Variants in CFAP96 observed in about 807,000 individuals in gnomAD.
CFAP96 encodes cilia and flagella associated protein 96.
the CFAP96 span, among the ~76,000 whole-genome samples, chr4:185,423,726 A>T: frequency 4.2e-4 from 64 of 152,284 alleles, no homozygotes; most frequent in Non-Finnish European, 6.5e-4. Context: ...GTAGTTGATG[A>T]TATATCACAA....
At chr4:185,438,508 C>T in the CFAP96 span, among the ~76,000 whole-genome samples, 9 of 152,122 alleles carry the variant, frequency 5.9e-5, no homozygotes, top group Admixed American at 6.5e-5. Context: ...ATGCCCTTTT[C>T]TGTTAATGCT....
At chr4:185,429,806 G>A in the CFAP96 span, among the ~76,000 whole-genome samples, 1 of 152,022 alleles carries the variant, frequency 6.6e-6, no homozygotes, top group East Asian at 1.9e-4. Flanking sequence ...GAGTCTACAG[G>A]CACACACTAC....
chr4:185,422,338 T>G, the CFAP96 span: 1 of 646,430 alleles, frequency 1.5e-6, no homozygotes. Context: ...ACACAGTGTC[T>G]AAGTGTAAGT....
At chr4:185,410,076 A>T in the CFAP96 span, among the ~76,000 whole-genome samples, 10 of 152,344 alleles carry the variant, frequency 6.6e-5, no homozygotes, top group Non-Finnish European at 1.0e-4. Context: ...ACAAGTTTCA[A>T]TAAATTTCAG....
chr4:185,444,688 A>G, the CFAP96 span, among the ~76,000 whole-genome samples: 150,058 of 152,272 alleles, frequency 0.99, 73,979 homozygotes, highest in East Asian at 1. Context: ...GTGATAGCCT[A>G]GTCTGATAAA....
At chr4:185,429,305 C>A in the CFAP96 span, 2 of 575,178 alleles carry the variant, frequency 3.5e-6, no homozygotes, top group Non-Finnish European at 5.8e-6. Context: ...AAACTTTTCC[C>A]CTTTATTTTT....
the CFAP96 span, chr4:185,445,023 TG>T: frequency 0.013 from 20,218 of 1,551,602 alleles, 197 homozygotes; most frequent in Middle Eastern, 0.024. Flanking sequence ...CTGACCCTTA[TG>T]TGGCTAAATT....
the CFAP96 span, among the ~76,000 whole-genome samples, chr4:185,412,971 G>C: frequency 2.0e-5 from 3 of 152,070 alleles, no homozygotes; most frequent in Admixed American, 1.3e-4. Flanking sequence ...TGGCAACCGG[G>C]TATATGTTAC....
the CFAP96 span, among the ~76,000 whole-genome samples, chr4:185,416,926 T>A: frequency 1.3e-5 from 2 of 152,216 alleles, no homozygotes; most frequent in Non-Finnish European, 2.9e-5. Context: ...ACCAGATTAA[T>A]ATTGGATTCT....
the CFAP96 span, chr4:185,436,361 T>TA: frequency 6.5e-7 from 1 of 1,535,854 alleles, no homozygotes; most frequent in Non-Finnish European, 8.8e-7. Context: ...AAGTATAAGG[T>TA]AAAAAATCTG....
the CFAP96 span, among the ~76,000 whole-genome samples, chr4:185,422,943 C>G: frequency 6.6e-6 from 1 of 152,166 alleles, no homozygotes; most frequent in Admixed American, 6.5e-5. Context: ...ACTGCAACCT[C>G]CGCCTCCTGG....
the CFAP96 span, among the ~76,000 whole-genome samples, chr4:185,420,858 A>G: frequency 6.6e-6 from 1 of 152,340 alleles, no homozygotes; most frequent in East Asian, 1.9e-4. Context: ...CAAATATATT[A>G]ATTACTAGGT....
chr4:185,430,937 C>A, the CFAP96 span, among the ~76,000 whole-genome samples: 1 of 147,874 alleles, frequency 6.8e-6, no homozygotes, highest in Non-Finnish European at 1.5e-5. Context: ...ACTGGCCAGG[C>A]GTGGTGGCTC....
chr4:185,436,165 A>G, the CFAP96 span: 1 of 1,550,940 alleles, frequency 6.4e-7, no homozygotes, highest in African/African-American at 1.4e-5. Context: ...AACCCGGGAA[A>G]GAAAGGAACT....
chr4:185,415,605 A>G, the CFAP96 span: 9 of 1,080,596 alleles, frequency 8.3e-6, no homozygotes, highest in South Asian at 1.2e-4. Flanking sequence ...GTTAATAATA[A>G]ACAAGGAGAA....
At chr4:185,431,811 T>C in the CFAP96 span, among the ~76,000 whole-genome samples, 1 of 152,240 alleles carries the variant, frequency 6.6e-6, no homozygotes, top group South Asian at 2.1e-4. Flanking sequence ...TTAGGTCTTA[T>C]TGTCAAGATA....
chr4:185,436,127 C>T, the CFAP96 span: 1 of 1,550,978 alleles, frequency 6.4e-7, no homozygotes. Flanking sequence ...GAGAAAAATA[C>T]AAGGCACCTG....
the CFAP96 span, among the ~76,000 whole-genome samples, chr4:185,428,563 A>C: frequency 1.9e-5 from 1 of 51,550 alleles, no homozygotes. Flanking sequence ...GTCTAAAAAA[A>C]AAAAAAACAA....
At chr4:185,447,713 A>G in the CFAP96 span, among the ~76,000 whole-genome samples, 1 of 152,200 alleles carries the variant, frequency 6.6e-6, no homozygotes, top group African/African-American at 2.4e-5. Flanking sequence ...TTTCAGTAAT[A>G]TAGTATCACT....
Sources: gnomAD v4.1 joint callset for allele counts (sites outside exome capture counted in the v4.1 genomes callset) on GRCh38, gnomAD v4.1.1 for gene constraint, MANE v1.5 for transcripts, NCBI Gene and HGNC (gene_info 2026-07-23, HGNC 2026-07-21) for gene names.